ZC3H12B: variants seen among roughly 807,000 people sequenced by gnomAD.
ZC3H12B encodes the protein probable ribonuclease ZC3H12B.
Under a neutral mutation model 43.9 loss-of-function variants are expected in ZC3H12B, and 7 were observed. The observed-to-expected ratio is 0.16, with a 90% CI of 0.09 to 0.30. The LOEUF (loss-of-function observed/expected upper bound fraction) is 0.30. Among genes scored for constraint, ZC3H12B ranks in the 10% least tolerant of loss-of-function variants. The pLI is 1.00. For synonymous variants in ZC3H12B, 222 were observed against 241.7 expected (o/e 0.92, Z 0.76); for missense variants, 475 against 670.2 (o/e 0.71, Z 3.22).
At chrX:65,217,351 G>A in the ZC3H12B span, among the ~76,000 whole-genome samples, 1 of 111,531 alleles carries the variant, frequency 9.0e-6, no homozygotes, top group African/African-American at 3.3e-5. Context: ...CTACAAAGAA[G>A]CCCAAACTGT....
intron 2 of ZC3H12B, among the ~76,000 whole-genome samples, chrX:65,389,441 C>T (rs943769160): frequency 8.9e-5 from 10 of 112,456 alleles, no homozygotes; most frequent in Non-Finnish European, 1.1e-4. Flanking sequence ...AAGCCAGGCA[C>T]GGGATATAAT....
At chrX:65,241,785 G>A in the ZC3H12B span, among the ~76,000 whole-genome samples, 1 of 111,767 alleles carries the variant, frequency 8.9e-6, no homozygotes, top group Admixed American at 9.5e-5. Flanking sequence ...CTTAACTTGT[G>A]AGGTACCATG....
chrX:65,269,778 G>A, the ZC3H12B span, among the ~76,000 whole-genome samples: 2 of 110,156 alleles, frequency 1.8e-5, no homozygotes, highest in African/African-American at 6.6e-5. Flanking sequence ...GGGCTTAAAG[G>A]AATAAGCCAC....
chrX:65,387,026 T>C (rs901082384), intron 2 of ZC3H12B, among the ~76,000 whole-genome samples: 1 of 112,081 alleles, frequency 8.9e-6, no homozygotes, highest in Non-Finnish European at 1.9e-5. Context: ...TGTCATAATT[T>C]CTGTTCTTTT....
chrX:65,432,676 G>A (rs2067177303), intron 3 of ZC3H12B, among the ~76,000 whole-genome samples: 1 of 112,008 alleles, frequency 8.9e-6, no homozygotes, highest in East Asian at 2.8e-4. Flanking sequence ...TAGACATTAT[G>A]CTTCTTTCTC....
chrX:65,182,242 G>T, the ZC3H12B span, among the ~76,000 whole-genome samples: 1 of 110,739 alleles, frequency 9.0e-6, no homozygotes, highest in East Asian at 2.8e-4. Context: ...TCACACACTA[G>T]TGCCTGTTGG....
chrX:65,373,068 T>C (rs995744798), intron 2 of ZC3H12B, among the ~76,000 whole-genome samples: 5 of 111,761 alleles, frequency 4.5e-5, no homozygotes, highest in African/African-American at 1.3e-4. Flanking sequence ...GAAAGAATAA[T>C]GTATCTGAGT....
intron 2 of ZC3H12B, among the ~76,000 whole-genome samples, chrX:65,392,656 C>A (rs931834881): frequency 1.9e-4 from 21 of 112,069 alleles, no homozygotes; most frequent in Non-Finnish European, 3.4e-4. Flanking sequence ...CCGGCCTCCC[C>A]ATCTGGGGGG....
the ZC3H12B span, among the ~76,000 whole-genome samples, chrX:65,314,862 G>T: frequency 9.0e-6 from 1 of 110,510 alleles, no homozygotes; most frequent in African/African-American, 3.3e-5. Flanking sequence ...TAATATAAAA[G>T]AGAATAAAGG....
At chrX:65,433,387 A>G (rs901155126) in intron 3 of ZC3H12B, among the ~76,000 whole-genome samples, 2 of 111,647 alleles carry the variant, frequency 1.8e-5, no homozygotes, top group Admixed American at 1.9e-4. Context: ...AGGCAGGTCT[A>G]ATGGCTTCCA....
chrX:65,392,315 G>T (rs2066630373), intron 2 of ZC3H12B, among the ~76,000 whole-genome samples: 1 of 111,660 alleles, frequency 9.0e-6, no homozygotes, highest in Middle Eastern at 4.2e-3. Flanking sequence ...CTTCTGTGAA[G>T]TGAGGAGCAT....
chrX:65,331,808 G>T, the ZC3H12B span, among the ~76,000 whole-genome samples: 1 of 111,029 alleles, frequency 9.0e-6, no homozygotes, highest in Admixed American at 9.6e-5. Flanking sequence ...AACATATAGG[G>T]TAACTTCCTG....
the ZC3H12B span, among the ~76,000 whole-genome samples, chrX:65,119,879 C>T: frequency 8.9e-6 from 1 of 111,836 alleles, no homozygotes; most frequent in African/African-American, 3.2e-5. Context: ...AGCCAGTTTT[C>T]CTAGCACCAT....
intron 3 of ZC3H12B, among the ~76,000 whole-genome samples, chrX:65,409,143 AT>A (rs1204953443): frequency 1.8e-5 from 2 of 111,248 alleles, no homozygotes; most frequent in African/African-American, 6.5e-5. Flanking sequence ...AAGAAAAGTA[AT>A]TTATTCTGTC....
chrX:65,214,592 T>A, the ZC3H12B span, among the ~76,000 whole-genome samples: 1 of 111,578 alleles, frequency 9.0e-6, no homozygotes, highest in Admixed American at 9.6e-5. Context: ...TAATTCCAGT[T>A]CTCTTGCTAT....
chrX:65,164,136 C>G, the ZC3H12B span, among the ~76,000 whole-genome samples: 5 of 111,502 alleles, frequency 4.5e-5, no homozygotes, highest in Non-Finnish European at 7.5e-5. Flanking sequence ...AGATATTTCT[C>G]AAATCCACTT....
At chrX:65,365,897 G>A (rs891551268), upstream of ZC3H12B, among the ~76,000 whole-genome samples, 7 of 109,352 alleles carry the variant, frequency 6.4e-5, no homozygotes, top group South Asian at 4.0e-4. Context: ...ACCCCACTGC[G>A]ATCTCCCTTC....
the ZC3H12B span, among the ~76,000 whole-genome samples, chrX:65,358,462 A>T: frequency 8.9e-6 from 1 of 111,904 alleles, no homozygotes. Flanking sequence ...ATGCAAAAGA[A>T]CGGAAATCAT....
At chrX:65,344,331 T>C in the ZC3H12B span, among the ~76,000 whole-genome samples, 8 of 111,628 alleles carry the variant, frequency 7.2e-5, no homozygotes, top group Admixed American at 1.9e-4. Flanking sequence ...AAAAGCTAGG[T>C]TACAGTAACC....
Sources: gnomAD v4.1 joint callset for allele counts (sites outside exome capture counted in the v4.1 genomes callset) on GRCh38, gnomAD v4.1.1 for gene constraint, MANE v1.5 for transcripts, NCBI Gene and HGNC (gene_info 2026-07-23, HGNC 2026-07-21) for gene names.